Variants in USH2A observed in about 807,000 individuals in gnomAD.
The protein encoded by USH2A is Usher syndrome 2A (autosomal recessive, mild).
USH2A carries 443 observed loss-of-function variants against 538.9 expected under a neutral mutation model. That is an observed-to-expected ratio of 0.82 (90% CI 0.76 to 0.89). The LOEUF is 0.89. Among genes scored for constraint, USH2A ranks in the 40% least tolerant of loss-of-function variants. USH2A has a pLI of 0.00. For missense variants in USH2A, 6,633 were observed against 6,324.8 expected, an observed-to-expected ratio of 1.05 and a Z score of -1.65; for synonymous variants, 2,413 against 2,273.5, an observed-to-expected ratio of 1.06 and a Z score of -1.75.
chr1:216,120,950 ACAT>A (rs2033126007), intron 21 of USH2A, among the ~76,000 whole-genome samples: 1 of 130,204 alleles, frequency 7.7e-6, no homozygotes, highest in Non-Finnish European at 1.7e-5. Context: ...ACATCCCCAA[ACAT>A]TATTGATTAT....
intron 20 of USH2A, among the ~76,000 whole-genome samples, chr1:216,179,285 A>G (rs1470274318): frequency 2.0e-5 from 3 of 152,136 alleles, no homozygotes; most frequent in Non-Finnish European, 4.4e-5. Flanking sequence ...TGTAATAATT[A>G]TTGAAAATTA....
At chr1:215,926,129 A>C (rs1235625495) in intron 38 of USH2A, among the ~76,000 whole-genome samples, 5 of 144,634 alleles carry the variant, frequency 3.5e-5, no homozygotes, top group African/African-American at 1.3e-4. Flanking sequence ...TGCAATTCTT[A>C]TTTATTTACT....
At chr1:215,824,274 T>C (rs1663095695) in intron 47 of USH2A, among the ~76,000 whole-genome samples, 1 of 152,294 alleles carries the variant, frequency 6.6e-6, no homozygotes. Flanking sequence ...GGATTAGTTA[T>C]TTATTGCAGT....
intron 43 of USH2A, among the ~76,000 whole-genome samples, 197 bp from the exon 44 acceptor site, chr1:215,867,367 G>T (rs1367695139): frequency 6.6e-6 from 1 of 151,944 alleles, no homozygotes; most frequent in African/African-American, 2.4e-5. Flanking sequence ...TTTGTGACTT[G>T]CCAGCATAAA....
intron 38 of USH2A, among the ~76,000 whole-genome samples, chr1:215,932,736 G>A (rs1666395985): frequency 6.6e-6 from 1 of 152,036 alleles, no homozygotes; most frequent in Non-Finnish European, 1.5e-5. Flanking sequence ...ATCAGGCCCA[G>A]AGAGTGTGGG....
intron 38 of USH2A, among the ~76,000 whole-genome samples, chr1:215,903,015 G>A (rs1665543267): frequency 1.3e-5 from 2 of 152,050 alleles, no homozygotes; most frequent in Admixed American, 6.6e-5. Context: ...CCAAGCCCTG[G>A]AATCCACCAA....
At chr1:216,397,477 C>G (rs991794890) in intron 3 of USH2A, among the ~76,000 whole-genome samples, 7 of 152,192 alleles carry the variant, frequency 4.6e-5, no homozygotes, top group African/African-American at 1.7e-4. Context: ...AAGACCTACC[C>G]TCAATGTAGG....
chr1:216,263,221 T>G (rs1287801958), intron 11 of USH2A, among the ~76,000 whole-genome samples: 3 of 152,186 alleles, frequency 2.0e-5, no homozygotes, highest in Admixed American at 2.0e-4. Flanking sequence ...ATACCATTTT[T>G]TCTTAAACTA....
At chr1:215,977,659 C>T (rs1433462216) in intron 35 of USH2A, among the ~76,000 whole-genome samples, 1 of 151,950 alleles carries the variant, frequency 6.6e-6, no homozygotes, top group Non-Finnish European at 1.5e-5. Context: ...ATTATAGGTG[C>T]CCGCCATCAC....
At chr1:216,014,253 T>C (rs1662350510) in intron 32 of USH2A, among the ~76,000 whole-genome samples, 3 of 151,948 alleles carry the variant, frequency 2.0e-5, no homozygotes, top group Non-Finnish European at 2.9e-5. Context: ...GGAGTAGTCA[T>C]GTGTAAAATG....
chr1:216,267,328 G>T (rs576221102), intron 11 of USH2A, among the ~76,000 whole-genome samples: 1 of 152,182 alleles, frequency 6.6e-6, no homozygotes, highest in Non-Finnish European at 1.5e-5. Flanking sequence ...AAGTAATGAT[G>T]AGAGTGAAGG....
At chr1:215,702,753 A>G (rs1179829569) in intron 61 of USH2A, among the ~76,000 whole-genome samples, 1 of 151,722 alleles carries the variant, frequency 6.6e-6, no homozygotes, top group Admixed American at 6.6e-5. Context: ...GCATTGGGTT[A>G]GAACATGCTC....
intron 32 of USH2A, among the ~76,000 whole-genome samples, chr1:216,002,333 C>T (rs1238710178): frequency 1.3e-5 from 2 of 152,186 alleles, no homozygotes; most frequent in African/African-American, 2.4e-5. Context: ...CTGTTCTCTT[C>T]ATCTTCGCTC....
intron 46 of USH2A, among the ~76,000 whole-genome samples, chr1:215,839,056 A>G (rs1663605415): frequency 6.6e-6 from 1 of 152,120 alleles, no homozygotes; most frequent in African/African-American, 2.4e-5. Flanking sequence ...TTCATAGGGT[A>G]CCTAAATGTT....
intron 61 of USH2A, among the ~76,000 whole-genome samples, chr1:215,684,298 C>T (rs1658338894): frequency 1.3e-5 from 2 of 152,212 alleles, no homozygotes; most frequent in African/African-American, 2.4e-5. Context: ...GACAATTTTA[C>T]ACCATCTCCT....
At chr1:215,870,045 A>T (rs1664582366) in intron 43 of USH2A, among the ~76,000 whole-genome samples, 1 of 152,182 alleles carries the variant, frequency 6.6e-6, no homozygotes, top group Non-Finnish European at 1.5e-5. Context: ...CATCATACAG[A>T]TTAAACAAAA....
At chr1:216,228,874 T>C (rs1459954281) in intron 14 of USH2A, among the ~76,000 whole-genome samples, 3 of 152,138 alleles carry the variant, frequency 2.0e-5, no homozygotes, top group Non-Finnish European at 4.4e-5. Context: ...TATATAAAAC[T>C]TGTGGATCTT....
At chr1:216,006,839 T>G (rs1156532578) in intron 32 of USH2A, among the ~76,000 whole-genome samples, 1 of 152,192 alleles carries the variant, frequency 6.6e-6, no homozygotes, top group Non-Finnish European at 1.5e-5. Context: ...CCTATTTTAT[T>G]TCTTCCGTCC....
intron 9 of USH2A, among the ~76,000 whole-genome samples, chr1:216,309,989 G>A (rs2037390023): frequency 6.6e-6 from 1 of 152,052 alleles, no homozygotes; most frequent in Non-Finnish European, 1.5e-5. Flanking sequence ...TTTTATGAGA[G>A]TTATTGGTCT....
Sources: gnomAD v4.1 joint callset for allele counts (sites outside exome capture counted in the v4.1 genomes callset) on GRCh38, gnomAD v4.1.1 for gene constraint, MANE v1.5 for transcripts, NCBI Gene and HGNC (gene_info 2026-07-23, HGNC 2026-07-21) for gene names.